Variants in DCUN1D4 observed in about 807,000 individuals in gnomAD.
DCUN1D4 encodes DCN1-like protein 4.
DCUN1D4 carries 22 observed loss-of-function variants against 47.9 expected under a neutral mutation model. The ratio of observed to expected loss-of-function variants is 0.46; its 90% CI spans 0.33 to 0.66. The LOEUF (loss-of-function observed/expected upper bound fraction) is 0.66. Among genes scored for constraint, DCUN1D4 ranks in the 30% least tolerant of loss-of-function variants. The pLI is 0.02. For missense variants in DCUN1D4, 301 were observed against 340.8 expected, an observed-to-expected ratio of 0.88 and a Z score of 0.92; for synonymous variants, 121 against 112.2, an observed-to-expected ratio of 1.08 and a Z score of -0.50.
At chr4:51,878,694 C>T (rs1478271050) in intron 5 of DCUN1D4, among the ~76,000 whole-genome samples, 1 of 152,306 alleles carries the variant, frequency 6.6e-6, no homozygotes, top group East Asian at 1.9e-4. Context: ...AGAGTGAACT[C>T]CCCGTGCCTT....
intron 1 of DCUN1D4, among the ~76,000 whole-genome samples, chr4:51,857,043 T>C (rs1394419233): frequency 6.6e-6 from 1 of 152,138 alleles, no homozygotes; most frequent in African/African-American, 2.4e-5. Context: ...ACTCGACTCA[T>C]ACCGTATTGT....
At chr4:51,876,231 G>A (rs1319313578) in intron 4 of DCUN1D4, among the ~76,000 whole-genome samples, 6 of 152,190 alleles carry the variant, frequency 3.9e-5, no homozygotes, top group South Asian at 2.1e-4. Context: ...GGAATACTAC[G>A]CAGCCATAAA....
the DCUN1D4 span, among the ~76,000 whole-genome samples, chr4:51,833,966 G>T: frequency 1.3e-5 from 2 of 151,722 alleles, no homozygotes; most frequent in Admixed American, 1.3e-4. Context: ...GAAGGGGGGA[G>T]ATTTTGCAGA....
At chr4:51,875,767 G>T (rs987033509) in intron 4 of DCUN1D4, among the ~76,000 whole-genome samples, 5 of 152,102 alleles carry the variant, frequency 3.3e-5, no homozygotes, top group African/African-American at 1.2e-4. Context: ...TGAGATTCTT[G>T]CATGAAATAG....
chr4:51,857,965 C>G (rs1025528061), intron 1 of DCUN1D4, among the ~76,000 whole-genome samples: 2 of 152,006 alleles, frequency 1.3e-5, no homozygotes, highest in African/African-American at 4.8e-5. Flanking sequence ...AGTCTTGGCC[C>G]TTGTGGAGCT....
At chr4:51,870,173 C>T (rs893058951) in intron 3 of DCUN1D4, among the ~76,000 whole-genome samples, 3 of 152,010 alleles carry the variant, frequency 2.0e-5, no homozygotes, top group Non-Finnish European at 4.4e-5. Flanking sequence ...CCGTAACATT[C>T]TTGTTTATAT....
intron 1 of DCUN1D4, among the ~76,000 whole-genome samples, chr4:51,857,279 A>G (rs770926844): frequency 3.3e-5 from 5 of 152,042 alleles, no homozygotes; most frequent in Admixed American, 6.5e-5. Context: ...TGTACTCAGA[A>G]TCTCTCCTCT....
chr4:51,899,125 T>C, intron 7 of DCUN1D4, 145 bp from the exon 8 acceptor site: 1 of 1,347,470 alleles, frequency 7.4e-7, no homozygotes, highest in Non-Finnish European at 9.6e-7. Context: ...AAAATTTTTT[T>C]TAAGTGTAGA....
intron 7 of DCUN1D4, among the ~76,000 whole-genome samples, chr4:51,898,702 T>G (rs1179735421): frequency 1.3e-5 from 2 of 152,192 alleles, no homozygotes; most frequent in African/African-American, 4.8e-5. Context: ...ATCTGACAGA[T>G]GGACATTCTA....
chr4:51,860,032 A>G (rs2109875947), intron 1 of DCUN1D4, among the ~76,000 whole-genome samples: 1 of 152,268 alleles, frequency 6.6e-6, no homozygotes, highest in Admixed American at 6.5e-5. Flanking sequence ...AAGGGCTATT[A>G]CTTGCCATGA....
intron 6 of DCUN1D4, among the ~76,000 whole-genome samples, chr4:51,887,553 A>G (rs948863901): frequency 1.3e-5 from 2 of 152,220 alleles, no homozygotes; most frequent in African/African-American, 2.4e-5. Context: ...ATGAAAAACT[A>G]TGCTTATACA....
chr4:51,889,384 C>T (rs1730067932), intron 6 of DCUN1D4, among the ~76,000 whole-genome samples: 1 of 152,348 alleles, frequency 6.6e-6, no homozygotes, highest in South Asian at 2.1e-4. Context: ...CTGATATTTA[C>T]AGCTTATGAA....
chr4:51,836,552 A>G, the DCUN1D4 span, among the ~76,000 whole-genome samples: 46 of 152,220 alleles, frequency 3.0e-4, no homozygotes, highest in Admixed American at 2.1e-3. Context: ...GGTAGATTCA[A>G]CTGGGGGTTC....
chr4:51,866,007 C>A (rs113899363), intron 3 of DCUN1D4, among the ~76,000 whole-genome samples: 12 of 152,272 alleles, frequency 7.9e-5, no homozygotes, highest in Non-Finnish European at 1.2e-4. Flanking sequence ...GGGCTTTCTG[C>A]TCATTTCAGG....
chr4:51,909,141 C>CT (rs757538456), intron 8 of DCUN1D4, among the ~76,000 whole-genome samples: 2 of 151,704 alleles, frequency 1.3e-5, no homozygotes, highest in Non-Finnish European at 2.9e-5. Flanking sequence ...TCTTTTTTTT[C>CT]TTTTTTGTCA....
chr4:51,889,616 T>G (rs1730112745), intron 6 of DCUN1D4, among the ~76,000 whole-genome samples: 2 of 152,152 alleles, frequency 1.3e-5, no homozygotes, highest in Non-Finnish European at 2.9e-5. Flanking sequence ...TTAACAAGTG[T>G]TTATGTAGAA....
intron 8 of DCUN1D4, among the ~76,000 whole-genome samples, chr4:51,903,250 A>G (rs1356659189): frequency 3.9e-5 from 6 of 151,944 alleles, no homozygotes; most frequent in Non-Finnish European, 5.9e-5. Flanking sequence ...GTAAGCTTTT[A>G]TTTTGCCTTC....
chr4:51,909,628 A>G (rs1733406150), intron 8 of DCUN1D4, among the ~76,000 whole-genome samples: 2 of 152,126 alleles, frequency 1.3e-5, no homozygotes, highest in African/African-American at 4.8e-5. Flanking sequence ...GACAATACAT[A>G]TGGCCAAGGG....
intron 8 of DCUN1D4, 84 bp downstream of exon 8, chr4:51,899,462 C>G: frequency 1.3e-6 from 2 of 1,487,018 alleles, no homozygotes; most frequent in Non-Finnish European, 1.8e-6. Context: ...TTTTACATGC[C>G]ACAGCAAAAA....
Sources: allele counts gnomAD v4.1 joint callset (sites outside exome capture counted in the v4.1 genomes callset), GRCh38; gene constraint gnomAD v4.1.1; transcripts MANE v1.5; gene names NCBI Gene and HGNC (gene_info 2026-07-23, HGNC 2026-07-21).